GBF1: variants seen among roughly 807,000 people sequenced by gnomAD.
The protein encoded by GBF1 is golgi brefeldin A resistant guanine nucleotide exchange factor 1.
GBF1 carries 114 observed loss-of-function variants against 210.5 expected under a neutral mutation model. The ratio of observed to expected loss-of-function variants is 0.54; its 90% confidence interval spans 0.47 to 0.63. The LOEUF (loss-of-function observed/expected upper bound fraction) is 0.63, where lower values mean the gene tolerates loss of function less well. GBF1 is among the 30% of genes least tolerant of loss of function. GBF1 has a pLI of 0.00. For missense variants in GBF1, 1,851 were observed against 2,357.7 expected (o/e 0.79, Z 4.45); for synonymous variants, 850 against 889.2 (o/e 0.96, Z 0.78).
At chr10:102,276,598 G>A (rs812799) in intron 3 of GBF1, among the ~76,000 whole-genome samples, 51,670 of 151,540 alleles carry the variant, frequency 0.34, 9,217 homozygotes, top group South Asian at 0.48. Flanking sequence ...GCTTGCCTTT[G>A]GTAGAACTGC....
intron 3 of GBF1, among the ~76,000 whole-genome samples, chr10:102,262,726 A>G (rs892850938): frequency 1.3e-5 from 2 of 152,228 alleles, no homozygotes; most frequent in Non-Finnish European, 1.5e-5. Context: ...ATTTTACCTC[A>G]GAGACCATAC....
In GBF1 at chr10:102,300,502, G is replaced by C. The variant is rs146846055; in HGVS notation, c.163+40386G>C. Among the ~76,000 whole-genome samples, 56 of 152,338 alleles carry C rather than the reference G, an allele frequency of 3.7e-4. 1 individual carries two copies. The highest frequency in any genetic ancestry group is 7.1e-4 in the Non-Finnish European group (48 of 68,020). On this transcript the variant is annotated intron_variant, in intron 3 of 39. Transcript: ENST00000369983. Reference sequence around the variant, plus strand: ...TTCCATCAAGTGGGGTGGTGCTTTTGTAGAGGAACTCACAACCTGAATCAA... The same window carrying C: ...TTCCATCAAGTGGGGTGGTGCTTTTCTAGAGGAACTCACAACCTGAATCAA...
chr10:102,379,448 G>T lies in GBF1; in HGVS notation c.4645+14G>T. The stretch of plus-strand genomic sequence containing the variant: ...CTTTACTGCAGGGTAAACCAGGAGG[G>T]GCAGAGGTAGGGAGTTTGGGGAGCA... On this transcript the variant is annotated intron_variant, in intron 34 of 39. Coordinates refer to ENST00000369983, the MANE Select transcript of GBF1 (RefSeq NM_001377137.1). 1 of 1,614,072 alleles carries T rather than the reference G, an allele frequency of 6.2e-7. No homozygotes were observed. Among genetic ancestry groups the T allele is most frequent in the Non-Finnish European group, 8.5e-7 (1 of 1,179,998 alleles).
chr10:102,264,930 AT>A (rs1321188217), intron 3 of GBF1, among the ~76,000 whole-genome samples: 3 of 152,202 alleles, frequency 2.0e-5, no homozygotes, highest in African/African-American at 7.2e-5. Flanking sequence ...ATGGGTTTAG[AT>A]TCCAAAGACA....
Position 102,380,230 on chromosome 10 carries a change from G to C in GBF1, c.4879-19G>C. The C allele has an allele frequency of 6.5e-7, 1 of 1,548,636 alleles. No homozygotes were observed. The highest frequency in any genetic ancestry group is 1.1e-5 in the South Asian group (1 of 89,812). ...GGCTCCTACAGTCCCCTCAGCTGAA[G>C]GGGGCTGGTGGGCCATAGGTCTTCC... On this transcript the variant is annotated intron_variant, in intron 36 of 39. Coordinates refer to ENST00000369983, the MANE Select transcript of GBF1 (RefSeq NM_001377137.1).
At chr10:102,265,815 C>T (rs767989846) in intron 3 of GBF1, among the ~76,000 whole-genome samples, 12 of 151,984 alleles carry the variant, frequency 7.9e-5, no homozygotes, top group Non-Finnish European at 1.3e-4. Context: ...TTAGGGTGTG[C>T]GTGTGTCTAT....
intron 3 of GBF1, among the ~76,000 whole-genome samples, chr10:102,290,941 T>C (rs2076381052): frequency 6.6e-6 from 1 of 152,256 alleles, no homozygotes; most frequent in Non-Finnish European, 1.5e-5. Context: ...GATGCTTTTA[T>C]AATTTGTTTC....
intron 3 of GBF1, among the ~76,000 whole-genome samples, chr10:102,327,835 A>G (rs1373073088): frequency 6.6e-6 from 1 of 152,224 alleles, no homozygotes; most frequent in Admixed American, 6.5e-5. Flanking sequence ...CAAGAGACAG[A>G]CAGACAGACA....
Position 102,379,061 on chromosome 10 carries a change from A to G in GBF1, c.4495-223A>G, listed in dbSNP as rs368206661. Among the ~76,000 whole-genome samples, 11 of 152,302 alleles carry G rather than the reference A, an allele frequency of 7.2e-5. No homozygotes were observed. In the East Asian group the frequency reaches 1.2e-3, roughly 16 times the overall value. ...GAAATACTCAGTCCACACACCTCCT[A>G]AGGCTCTCTCTCTCATGAGTAATCT... On this transcript the variant is annotated intron_variant, in intron 33 of 39. Coordinates refer to ENST00000369983, the MANE Select transcript of GBF1 (RefSeq NM_001377137.1).
chr10:102,306,176 A>C (rs2133903272), intron 3 of GBF1, among the ~76,000 whole-genome samples: 1 of 152,246 alleles, frequency 6.6e-6, no homozygotes, highest in East Asian at 1.9e-4. Context: ...CAGCTGCACT[A>C]CTCAAACACA....
chr10:102,264,006 G>T (rs533399617), intron 3 of GBF1, among the ~76,000 whole-genome samples: 1 of 152,162 alleles, frequency 6.6e-6, no homozygotes, highest in African/African-American at 2.4e-5. Flanking sequence ...CTGGGAGGGG[G>T]TATGGAGAGT....
Position 102,367,456 on chromosome 10 carries a change from A to G in GBF1, c.2560-22A>G, listed in dbSNP as rs1565170174. ...GCTTCAGTGTTGACACAAGGGGAAA[A>G]AACTTACTGGCCTGTCTCTAGGAGT... On this transcript the variant is annotated intron_variant, in intron 20 of 39. Transcript: ENST00000369983. 3 of 1,543,900 alleles carry G rather than the reference A, an allele frequency of 1.9e-6. No homozygotes were observed. The South Asian group carries it at 3.3e-5, about 17-fold the overall frequency.
At chr10:102,233,681 G>A in the GBF1 span, among the ~76,000 whole-genome samples, 1 of 152,194 alleles carries the variant, frequency 6.6e-6, no homozygotes, top group East Asian at 1.9e-4. Context: ...AAACCACTGG[G>A]TGCTTGGGCC....
At chr10:102,352,227 C>A (rs2059029527) in intron 6 of GBF1, among the ~76,000 whole-genome samples, 4 of 152,310 alleles carry the variant, frequency 2.6e-5, no homozygotes, top group Admixed American at 2.0e-4. Context: ...GGGATTGACA[C>A]CAACCTGCAA....
chr10:102,358,439 C>T, intron 9 of GBF1, 67 bp from the exon 10 acceptor site: 3 of 1,101,572 alleles, frequency 2.7e-6, no homozygotes. Flanking sequence ...ACCCTAGTAC[C>T]ATAGAGGGTT....
chr10:102,245,466 A>G (rs1333107881), upstream of GBF1: 1 of 152,194 alleles, frequency 6.6e-6, no homozygotes, highest in African/African-American at 2.4e-5. Context: ...TTCACGGTGC[A>G]AAGCTATGAT....
intron 8 of GBF1, among the ~76,000 whole-genome samples, chr10:102,357,592 T>C (rs2059367285): frequency 6.6e-6 from 1 of 151,436 alleles, no homozygotes; most frequent in Non-Finnish European, 1.5e-5. Flanking sequence ...AAACTACAAG[T>C]AGGAGGCTGC....
intron 5 of GBF1, 148 bp from the exon 6 acceptor site, chr10:102,351,695 A>T: frequency 1.6e-6 from 1 of 627,630 alleles, no homozygotes; most frequent in Middle Eastern, 2.5e-4. Context: ...GGTCATAAAA[A>T]GTGAAGAAAC....
At chr10:102,279,309 A>G (rs994216961) in intron 3 of GBF1, among the ~76,000 whole-genome samples, 2 of 152,258 alleles carry the variant, frequency 1.3e-5, no homozygotes, top group Admixed American at 1.3e-4. Flanking sequence ...CCACTCAACC[A>G]ACAGCATAAG....
Sources: allele counts gnomAD v4.1 joint callset (sites outside exome capture counted in the v4.1 genomes callset), GRCh38; gene constraint gnomAD v4.1.1; transcripts MANE v1.5; gene names NCBI Gene and HGNC (gene_info 2026-07-23, HGNC 2026-07-21).